The following KIF27 variants were observed in gnomAD, a reference collection of about 807,000 sequenced individuals.
KIF27 encodes the protein kinesin family member 27, also known as kinesin-like protein KIF27.
KIF27 carries 84 observed loss-of-function variants against 141.8 expected under a neutral mutation model. The ratio of observed to expected loss-of-function variants is 0.59; its 90% CI spans 0.50 to 0.71. The LOEUF (loss-of-function observed/expected upper bound fraction) is 0.71. Among genes scored for constraint, KIF27 ranks in the 30% least tolerant of loss-of-function variants. The pLI, the probability that KIF27 is intolerant of heterozygous loss-of-function variation, is 0.00. For synonymous variants in KIF27, 471 were observed against 569.5 expected (o/e 0.83, Z 2.46); for missense variants, 1,306 against 1,628.4 (o/e 0.80, Z 3.41).
chr9:83,839,096 G>T (rs1946261301), intron 17 of KIF27, among the ~76,000 whole-genome samples: 1 of 148,864 alleles, frequency 6.7e-6, no homozygotes. Flanking sequence ...GGAGTTTGAG[G>T]CTACAGTGAG....
chr9:83,861,981 C>T lies in KIF27; in HGVS notation c.2935-2610G>A, dbSNP rs1260572050. 1.2e-4 allele frequency among the ~76,000 whole-genome samples: 18 copies of T among 152,090 alleles called. 1 individual carries two copies. The East Asian group carries it at 1.4e-3, about 11-fold the overall frequency. On this transcript the variant is annotated intron_variant, in intron 13 of 17. Transcript: ENST00000297814. ...TGTTGGCTGCATAAATGTCTTCTTT[C>T]GAGAAGCGTCTGTTCATATCCTTCG...
Position 83,887,030 on chromosome 9 carries a change from GATACT to G in KIF27, c.2239+6_2239+10del. On this transcript the variant is annotated splice_donor_region_variant and intron_variant, in intron 9 of 17. Transcript: ENST00000297814. Reference sequence around the variant, plus strand: ...CTTTCTCATTTAAGCTGGTTCACAAGATACTATTACCTGTTTTTATTAATTCTTTA... The same window carrying G: ...CTTTCTCATTTAAGCTGGTTCACAAGATTACCTGTTTTTATTAATTCTTTA... 1.3e-6 allele frequency: 2 copies of G among 1,555,738 alleles called. No individual in the cohort carries two copies. The highest frequency in any genetic ancestry group is 1.7e-6 in the Non-Finnish European group (2 of 1,159,800).
chr9:83,910,050 T>C (rs895680284), intron 2 of KIF27, among the ~76,000 whole-genome samples: 2 of 135,322 alleles, frequency 1.5e-5, no homozygotes, highest in African/African-American at 5.8e-5. Context: ...AGACCCTTTC[T>C]CTAAATACAT....
In KIF27 at chr9:83,848,238, A is replaced by C. The variant is rs1393909873; in HGVS notation, c.3556+1861T>G. ...ATATGATATATCAGATATGATATATATGATATATCAGATATGATATATATG... is the reference window on the plus strand; with the variant it reads ...ATATGATATATCAGATATGATATATCTGATATATCAGATATGATATATATG... On this transcript the variant is annotated intron_variant, in intron 16 of 17. Coordinates refer to ENST00000297814, the MANE Select transcript of KIF27 (RefSeq NM_017576.4). Among the ~76,000 whole-genome samples the C allele has an allele frequency of 1.1e-4, 10 of 90,802 alleles. 2 individuals are homozygous for C. Among genetic ancestry groups the C allele is most frequent in the South Asian group, 6.1e-4 (2 of 3,302 alleles). 59.6% of individuals were successfully genotyped at this position (90,802 alleles called of 152,430 possible). A position where few individuals can be genotyped will look rare whatever the true frequency, so the allele number is the denominator to read the frequency against.
At chr9:83,874,933 CAA>C (rs34762926) in intron 11 of KIF27, among the ~76,000 whole-genome samples, 2,006 of 91,350 alleles carry the variant, frequency 0.022, 59 homozygotes, top group African/African-American at 0.079. Flanking sequence ...GACCTTGTCT[CAA>C]AAAAAAAAAA....
chr9:83,883,111 T>A (rs1048949586), intron 10 of KIF27, among the ~76,000 whole-genome samples: 1 of 152,072 alleles, frequency 6.6e-6, no homozygotes, highest in African/African-American at 2.4e-5. Context: ...AATAGGTTAA[T>A]TACAACTCTA....
At chr9:83,919,370 C>T (rs1285855208) in intron 1 of KIF27, among the ~76,000 whole-genome samples, 2 of 152,114 alleles carry the variant, frequency 1.3e-5, no homozygotes, top group Admixed American at 1.3e-4. Context: ...AACTTACATA[C>T]AAATGTTCAG....
intron 5 of KIF27, among the ~76,000 whole-genome samples, chr9:83,895,708 T>G (rs1389486757): frequency 1.3e-5 from 2 of 151,838 alleles, no homozygotes; most frequent in Non-Finnish European, 2.9e-5. Context: ...TATTTGCAGA[T>G]GACATAATTA....
At chr9:83,921,162 T>A (rs1336323304) in intron 1 of KIF27, among the ~76,000 whole-genome samples, 2 of 143,062 alleles carry the variant, frequency 1.4e-5, no homozygotes, top group African/African-American at 5.2e-5. Flanking sequence ...CCCAGACCCC[T>A]CGGACGCCCC....
At position 83,920,140 on chromosome 9, in the gene KIF27, A is replaced by C. The variant is rs879911440; in HGVS notation, c.-88+1231T>G. ...CAGCTACTTGGGAGGCTGAGATTGG[A>C]GGATCGCTTGAGCCCGGGAGGTTGA... On this transcript the variant is annotated intron_variant, in intron 1 of 17. Coordinates refer to ENST00000297814, the MANE Select transcript of KIF27 (RefSeq NM_017576.4). Among the ~76,000 whole-genome samples the C allele has an allele frequency of 7.2e-5, 11 of 152,186 alleles. 1 individual carries two copies. Among genetic ancestry groups the C allele is most frequent in the Admixed American group, 2.0e-4 (3 of 15,278 alleles).
At chr9:83,864,593 A>C (rs1297890136) in intron 13 of KIF27, among the ~76,000 whole-genome samples, 2 of 152,220 alleles carry the variant, frequency 1.3e-5, no homozygotes, top group African/African-American at 2.4e-5. Flanking sequence ...TTTACTTCCA[A>C]CTATGTGGTC....
intron 2 of KIF27, among the ~76,000 whole-genome samples, chr9:83,911,159 C>T (rs1231213756): frequency 1.3e-5 from 2 of 152,210 alleles, no homozygotes; most frequent in Middle Eastern, 3.4e-3. Context: ...CTTGACCTCC[C>T]GGGCTCAGGC....
Position 83,850,275 on chromosome 9 carries a change from T to G in KIF27, c.3380A>C (p.Glu1127Ala). The change falls in exon 16 of 18, where the codon GAA becomes GCA. Residue 1127 changes from glutamate (E) to alanine (A), a missense_variant. Glu to Ala is a moderately radical substitution (Grantham distance 107). This residue lies in a region of KIF27 where 596 missense variants were observed against 751.6 expected (regional missense o/e 0.79). Coordinates refer to ENST00000297814, the MANE Select transcript of KIF27 (RefSeq NM_017576.4). ...TTCATTATATAACTGTTGTTTCCGT[T>G]CAGCTTCTCGCAAATTCACCACCTA... ...FNKVVNLREA[E>A]RKQQLYNEEM... 6.2e-7 allele frequency: 1 copy of G among 1,613,800 alleles called. No individual in the cohort carries two copies. Among genetic ancestry groups the G allele is most frequent in the Non-Finnish European group, 8.5e-7 (1 of 1,179,684 alleles).
rs1312939713 is a variant in KIF27, at chr9:83,903,183, C to G, written c.1335G>C (p.Met445Ile). The G allele has an allele frequency of 1.9e-6, 3 of 1,614,166 alleles. No individual in the cohort carries two copies. The highest frequency in any genetic ancestry group is 2.5e-6 in the Non-Finnish European group (3 of 1,180,036). ...QQHKLQEWFN[M>I]IQEVRKAVLT... Reference sequence around the variant, plus strand: ...GGACAGCCTTCCTGACCTCTTGGATCATGTTAAACCACTCCTGCAGTTTGT... The same window carrying G: ...GGACAGCCTTCCTGACCTCTTGGATGATGTTAAACCACTCCTGCAGTTTGT... The change falls in exon 4 of 18, where the codon ATG becomes ATC. Residue 445 changes from methionine (M) to isoleucine (I), a missense_variant. Physicochemically the swap from Met to Ile is conservative, Grantham distance 10. Coordinates refer to ENST00000297814, the MANE Select transcript of KIF27 (RefSeq NM_017576.4).
intron 14 of KIF27, among the ~76,000 whole-genome samples, chr9:83,854,187 C>T (rs1203912928): frequency 6.6e-6 from 1 of 152,168 alleles, no homozygotes; most frequent in Non-Finnish European, 1.5e-5. Flanking sequence ...TTGAACAAAG[C>T]CTAAGCCCAC....
Position 83,852,452 on chromosome 9 carries a change from CA to C in KIF27, c.3357+1176del, listed in dbSNP as rs776901581. Among the ~76,000 whole-genome samples, 276 of 103,816 alleles carry C rather than the reference CA, an allele frequency of 2.7e-3. 1 individual carries two copies. Among genetic ancestry groups the C allele is most frequent in the Middle Eastern group, 0.017 (3 of 178 alleles). The allele number at this position is 103,816 out of a possible 152,430, so 68.1% of individuals were successfully genotyped here. The stretch of plus-strand genomic sequence containing the variant: ...TGGGCGACAGAGCGAGACTCTGTCT[CA>C]AAAAAAAAAAAAAAAGTTATCTATG... On this transcript the variant is annotated intron_variant, in intron 15 of 17. Coordinates refer to ENST00000297814, the MANE Select transcript of KIF27 (RefSeq NM_017576.4).
chr9:83,860,496 TATTC>T (rs1949770652), intron 13 of KIF27, among the ~76,000 whole-genome samples: 1 of 152,218 alleles, frequency 6.6e-6, no homozygotes, highest in Non-Finnish European at 1.5e-5. Context: ...GTTAAATCAA[TATTC>T]ATTTTCATTA....
In KIF27 at chr9:83,903,158, G is replaced by C; in HGVS notation, c.1360C>G (p.Leu454Val). Residue 454 changes from leucine (L) to valine (V), a missense_variant, in exon 4 of 18, where the codon CTC (leucine) becomes GTC (valine). This residue lies in a region of KIF27 where 533 missense variants were observed against 565.6 expected (regional missense o/e 0.94). Transcript: ENST00000297814. ...CCTCCGATTCCTCGAAATGAGGTGAGGACAGCCTTCCTGACCTCTTGGATC... is the reference window on the plus strand; with the variant it reads ...CCTCCGATTCCTCGAAATGAGGTGACGACAGCCTTCCTGACCTCTTGGATC... ...NMIQEVRKAV[L>V]TSFRGIGGTA... is the part of the protein sequence containing the mutation. 6.2e-7 allele frequency: 1 copy of C among 1,614,134 alleles called. No individual in the cohort carries two copies. Among genetic ancestry groups the C allele is most frequent in the South Asian group, 1.1e-5 (1 of 91,084 alleles).
chr9:83,893,014 C>T (rs1563967376), intron 5 of KIF27, among the ~76,000 whole-genome samples: 1 of 152,200 alleles, frequency 6.6e-6, no homozygotes, highest in African/African-American at 2.4e-5. Context: ...GCCAGTAGAT[C>T]ACTTGAGCCC....
Sources: allele counts gnomAD v4.1 joint callset (sites outside exome capture counted in the v4.1 genomes callset), GRCh38; gene constraint gnomAD v4.1.1; regional missense constraint gnomAD v4.1.1; transcripts MANE v1.5; gene names NCBI Gene and HGNC (gene_info 2026-07-23, HGNC 2026-07-21).